The following GKAP1 variants were observed in gnomAD, a reference collection of about 807,000 sequenced individuals.
GKAP1 encodes the protein G kinase-anchoring protein 1.
Under a neutral mutation model 56.7 loss-of-function variants are expected in GKAP1, and 31 were observed. The observed-to-expected ratio is 0.55, with a 90% CI of 0.41 to 0.74. The LOEUF (loss-of-function observed/expected upper bound fraction) is 0.74. Among genes scored for constraint, GKAP1 ranks in the 30% least tolerant of loss-of-function variants. The pLI is 0.00. For synonymous variants in GKAP1, 151 were observed against 138.6 expected, an observed-to-expected ratio of 1.09 and a Z score of -0.63; for missense variants, 364 against 402.3, an observed-to-expected ratio of 0.90 and a Z score of 0.82.
chr9:83,806,564 T>G lies in GKAP1; in HGVS notation c.-43-4A>C. 10 of 1,541,646 alleles carry G rather than the reference T, an allele frequency of 6.5e-6. No homozygotes were observed. Among genetic ancestry groups the G allele is most frequent in the Non-Finnish European group, 8.9e-6 (10 of 1,123,412 alleles). ...ATACTTCTGTCAAGAATAATTTCTG[T>G]GGGGAGGCAGAAGAGTAGGCAGATG... On this transcript the variant is annotated splice_polypyrimidine_tract_variant and splice_region_variant and intron_variant, in intron 2 of 12. Transcript: ENST00000376371.
intron 8 of GKAP1, among the ~76,000 whole-genome samples, chr9:83,755,457 T>C (rs1429459138): frequency 1.3e-5 from 2 of 152,322 alleles, no homozygotes; most frequent in African/African-American, 2.4e-5. Flanking sequence ...AATTTCCTTT[T>C]ATCAAAATTA....
At chr9:83,804,449 G>C (rs1170654099) in intron 3 of GKAP1, among the ~76,000 whole-genome samples, 1 of 132,190 alleles carries the variant, frequency 7.6e-6, no homozygotes, top group Non-Finnish European at 1.6e-5. Context: ...GGTGAGGGGC[G>C]CCTCTGCCCG....
At chr9:83,761,311 A>G (rs1587700738) in intron 8 of GKAP1, among the ~76,000 whole-genome samples, 1 of 152,126 alleles carries the variant, frequency 6.6e-6, no homozygotes, top group East Asian at 1.9e-4. Flanking sequence ...ATGCCAATAA[A>G]TTGGAAAATC....
intron 8 of GKAP1, among the ~76,000 whole-genome samples, chr9:83,758,054 G>C (rs906529485): frequency 6.6e-6 from 1 of 152,146 alleles, no homozygotes; most frequent in African/African-American, 2.4e-5. Flanking sequence ...CACAAGAGGG[G>C]ACAGGATCAG....
At position 83,777,721 on chromosome 9, in the gene GKAP1, C is replaced by A. The variant is rs1422975706; in HGVS notation, c.585+2661G>T. On this transcript the variant is annotated intron_variant, in intron 7 of 12. Coordinates refer to ENST00000376371, the MANE Select transcript of GKAP1 (RefSeq NM_025211.4). ...TAAGAGTAGCCATGAAAAAAAAATCCCTTGGCCTAAGTAATATATTAAAGA... is the reference window on the plus strand; with the variant it reads ...TAAGAGTAGCCATGAAAAAAAAATCACTTGGCCTAAGTAATATATTAAAGA... Among the ~76,000 whole-genome samples the A allele has an allele frequency of 2.0e-5, 3 of 152,054 alleles. No homozygotes were observed. In the East Asian group the frequency reaches 5.8e-4, roughly 29 times the overall value.
At chr9:83,747,474 G>A (rs559325354) in intron 10 of GKAP1, among the ~76,000 whole-genome samples, 2 of 152,240 alleles carry the variant, frequency 1.3e-5, no homozygotes, top group Admixed American at 6.5e-5. Context: ...TGAAAAAGCA[G>A]AATCCTAAGC....
At chr9:83,754,877 G>A (rs568104561) in intron 8 of GKAP1, among the ~76,000 whole-genome samples, 20 of 152,184 alleles carry the variant, frequency 1.3e-4, no homozygotes, top group Non-Finnish European at 2.1e-4. Flanking sequence ...AAATGAAATG[G>A]AGTGAGGTAA....
At chr9:83,786,210 C>T (rs1944060379) in intron 5 of GKAP1, among the ~76,000 whole-genome samples, 1 of 152,176 alleles carries the variant, frequency 6.6e-6, no homozygotes, top group Admixed American at 6.5e-5. Flanking sequence ...TTTGGCTATT[C>T]AATAATTATT....
At chr9:83,756,667 AT>A (rs758394436) in intron 8 of GKAP1, among the ~76,000 whole-genome samples, 1 of 152,158 alleles carries the variant, frequency 6.6e-6, no homozygotes, top group Middle Eastern at 3.4e-3. Flanking sequence ...GATTAGGGTC[AT>A]TTTTCTCCCA....
At chr9:83,804,669 G>C (rs1296594113) in intron 3 of GKAP1, among the ~76,000 whole-genome samples, 1 of 146,600 alleles carries the variant, frequency 6.8e-6, no homozygotes, top group African/African-American at 2.5e-5. Flanking sequence ...CCGGGAGGGA[G>C]GTGGGGGGGT....
intron 4 of GKAP1, among the ~76,000 whole-genome samples, chr9:83,797,308 G>A (rs1013235804): frequency 1.3e-5 from 2 of 152,058 alleles, no homozygotes; most frequent in Non-Finnish European, 2.9e-5. Context: ...CTCCATCCCC[G>A]AAATTTCTCA....
At chr9:83,757,103 T>C (rs1265707948) in intron 8 of GKAP1, among the ~76,000 whole-genome samples, 1 of 152,088 alleles carries the variant, frequency 6.6e-6, no homozygotes, top group Non-Finnish European at 1.5e-5. Context: ...AACAAAATGC[T>C]ATGGGGTATA....
intron 8 of GKAP1, among the ~76,000 whole-genome samples, chr9:83,766,913 T>C (rs1010699526): frequency 2.6e-5 from 4 of 152,192 alleles, no homozygotes; most frequent in Non-Finnish European, 4.4e-5. Flanking sequence ...CAGTGCTACA[T>C]ACTGGCAAGA....
Position 83,780,400 on chromosome 9 carries a change from G to A in GKAP1, c.567C>T (p.His189=). 1 of 1,176,624 alleles carries A rather than the reference G, an allele frequency of 8.5e-7. No individual in the cohort carries two copies. The highest frequency in any genetic ancestry group is 1.1e-6 in the Non-Finnish European group (1 of 875,842). 72.9% of individuals were successfully genotyped at this position (1,176,624 alleles called of 1,614,324 possible). The part of the protein sequence containing the change: ...VSLKDFHSED[H]ISKKTEELSS... Reference sequence around the variant, plus strand: ...GACTTACCTCAGTCTTTTTACTAATGTGATCTGTAAATGAAAAAGAAACAA... The same window carrying A: ...GACTTACCTCAGTCTTTTTACTAATATGATCTGTAAATGAAAAAGAAACAA... The change falls in exon 7 of 13, where the codon CAC becomes CAT. Residue 189 remains histidine (H), a synonymous_variant. Transcript: ENST00000376371.
intron 2 of GKAP1, among the ~76,000 whole-genome samples, chr9:83,808,329 C>T (rs1944466063): frequency 6.6e-6 from 1 of 152,174 alleles, no homozygotes; most frequent in Non-Finnish European, 1.5e-5. Context: ...GGTGCAGTGG[C>T]TCACACCTGT....
rs1172227548 is a variant in GKAP1 at position 83,756,654 on chromosome 9, T to C, written c.739-3295A>G. ...ACTGTAGTAGTTTTCTCTAGGTGAA[T>C]GAGATTAGGGTCATTTTTCTCCCAC... is the stretch of plus-strand genomic sequence containing the variant. On this transcript the variant is annotated intron_variant, in intron 8 of 12. Transcript: ENST00000376371. 2.6e-5 allele frequency among the ~76,000 whole-genome samples: 4 copies of C among 152,046 alleles called. No individual in the cohort carries two copies. The East Asian group carries it at 7.7e-4, about 29-fold the overall frequency.
chr9:83,783,657 T>G (rs1045918590), intron 6 of GKAP1, among the ~76,000 whole-genome samples: 16 of 152,224 alleles, frequency 1.1e-4, no homozygotes, highest in African/African-American at 3.1e-4. Flanking sequence ...TATTTTAATT[T>G]TCTAAGATGC....
rs549125500 is a variant in GKAP1, at chr9:83,812,270, CAT to C, written c.-44+4724_-44+4725del. Among the ~76,000 whole-genome samples, 60 of 146,482 alleles carry C rather than the reference CAT, an allele frequency of 4.1e-4. 1 individual carries two copies. The highest frequency in any genetic ancestry group is 1.3e-3 in the African/African-American group (50 of 39,864). ...GTATATATGTATACGTATATATACACATATATATACACATATATACGTATATA... is the reference window on the plus strand; with the variant it reads ...GTATATATGTATACGTATATATACACATATATACACATATATACGTATATA... On this transcript the variant is annotated intron_variant, in intron 2 of 12. Transcript: ENST00000376371.
In GKAP1 at chr9:83,748,337, T is replaced by C. The variant is rs141952900; in HGVS notation, c.876A>G (p.Gln292=). ...CACCTTCCTGAAGCATTTTCAATAA[T>C]TGTGCATTTCTTGCCTTTACTTCCT... is the stretch of plus-strand genomic sequence containing the variant. ...KYKEVKARNA[Q]LLKMLQEGEM... Residue 292 remains glutamine (Q), a synonymous_variant, in exon 10 of 13, where the codon CAA becomes CAG. Transcript: ENST00000376371. 152 of 1,599,656 alleles carry C rather than the reference T, an allele frequency of 9.5e-5. No homozygotes were observed. Among genetic ancestry groups the C allele is most frequent in the Non-Finnish European group, 8.4e-5 (99 of 1,171,930 alleles).
Sources: gnomAD v4.1 joint callset for allele counts (sites outside exome capture counted in the v4.1 genomes callset) on GRCh38, gnomAD v4.1.1 for gene constraint, MANE v1.5 for transcripts, NCBI Gene and HGNC (gene_info 2026-07-23, HGNC 2026-07-21) for gene names.